CPNE1: variants seen among roughly 807,000 people sequenced by gnomAD.
CPNE1 encodes copine 1.
CPNE1 carries 58 observed loss-of-function variants against 63.2 expected under a neutral mutation model. That is an observed-to-expected ratio of 0.92 (90% CI 0.74 to 1.14). The LOEUF is 1.14. CPNE1 is among the 50% of genes most tolerant of loss of function. The pLI is 0.00. For missense variants in CPNE1, 672 were observed against 661.7 expected, an observed-to-expected ratio of 1.02 and a Z score of -0.17; for synonymous variants, 237 against 249.0, an observed-to-expected ratio of 0.95 and a Z score of 0.45.
intron 15 of CPNE1, 42 bp from the exon 16 acceptor site, chr20:35,626,423 T>C (rs770711398): frequency 6.2e-7 from 1 of 1,610,274 alleles, no homozygotes; most frequent in South Asian, 1.1e-5. Flanking sequence ...CCAGAACAGC[T>C]GCCCAAAGTC....
intron 8 of CPNE1, 40 bp from the exon 9 acceptor site, chr20:35,631,394 GCAT>G: frequency 6.2e-7 from 1 of 1,608,940 alleles, no homozygotes; most frequent in Non-Finnish European, 8.5e-7. Flanking sequence ...AATTCTCAGA[GCAT>G]CAGTCAAGGA....
At chr20:35,648,200 A>C (rs1411742557) in intron 1 of CPNE1, among the ~76,000 whole-genome samples, 4 of 152,208 alleles carry the variant, frequency 2.6e-5, no homozygotes, top group Non-Finnish European at 5.9e-5. Flanking sequence ...TCTTTCCAGA[A>C]CATTTCACAA....
chr20:35,654,674 A>C, intron 1 of CPNE1: 2 of 1,613,364 alleles, frequency 1.2e-6, no homozygotes, highest in Non-Finnish European at 1.7e-6. Flanking sequence ...ACAGGAGGCA[A>C]TGTAGGTACT....
intron 1 of CPNE1, among the ~76,000 whole-genome samples, chr20:35,639,320 A>G (rs928525580): frequency 6.6e-6 from 1 of 152,176 alleles, no homozygotes; most frequent in Non-Finnish European, 1.5e-5. Flanking sequence ...GAAAATTTTC[A>G]TAATAAAATG....
intron 1 of CPNE1, chr20:35,652,796 G>C: frequency 6.2e-7 from 1 of 1,609,212 alleles, no homozygotes. Context: ...AAGCCAGGGG[G>C]ACCACCAATA....
chr20:35,658,791 A>G, intron 1 of CPNE1: 1 of 558,238 alleles, frequency 1.8e-6, no homozygotes, highest in Non-Finnish European at 3.2e-6. Context: ...AACAAAAAAC[A>G]AGCAAACAAA....
chr20:35,664,237 A>C (rs181194441), intron 1 of CPNE1: 1 of 152,348 alleles, frequency 6.6e-6, no homozygotes, highest in East Asian at 1.9e-4. Context: ...AACTCACAGG[A>C]GTGTACCGAC....
chr20:35,654,424 T>G, intron 1 of CPNE1: 1 of 1,614,060 alleles, frequency 6.2e-7, no homozygotes, highest in South Asian at 1.1e-5. Flanking sequence ...ATCATCAGGG[T>G]TGATGGGGAG....
chr20:35,644,578 A>C (rs917384503), intron 1 of CPNE1, among the ~76,000 whole-genome samples: 30 of 152,236 alleles, frequency 2.0e-4, no homozygotes, highest in Non-Finnish European at 1.3e-4. Context: ...AGAAACACTG[A>C]GGCCAGAGGG....
intron 1 of CPNE1, among the ~76,000 whole-genome samples, chr20:35,640,684 T>C (rs1203559698): frequency 6.6e-6 from 1 of 152,186 alleles, no homozygotes; most frequent in Non-Finnish European, 1.5e-5. Flanking sequence ...CCTCTTGGAC[T>C]GTAACTTCAA....
chr20:35,627,716 A>G (rs2146275299), intron 13 of CPNE1, among the ~76,000 whole-genome samples: 1 of 152,274 alleles, frequency 6.6e-6, no homozygotes, highest in African/African-American at 2.4e-5. Context: ...ATTTGATACA[A>G]TAAGGATCCG....
chr20:35,632,320 C>T lies in CPNE1; in HGVS notation c.375G>A (p.Gly125=). 4 of 1,614,000 alleles carry T rather than the reference C, an allele frequency of 2.5e-6. No homozygotes were observed. Among genetic ancestry groups the T allele is most frequent in the South Asian group, 1.1e-5 (1 of 91,060 alleles). ...TTGCTGGGTTCCTTACCGTGATGGTCCCCCGCCCAGCAGGTTTTCCAGGCT... is the reference window on the plus strand; with the variant it reads ...TTGCTGGGTTCCTTACCGTGATGGTTCCCCGCCCAGCAGGTTTTCCAGGCT... ...MLKPGKPAGR[G]TITVSAQELK... The change falls in exon 4 of 16, where the codon GGG becomes GGA. Residue 125 remains glycine (G), a synonymous_variant. Transcript: ENST00000397443.
chr20:35,654,037 C>T (rs749163172), intron 1 of CPNE1: 24 of 1,614,028 alleles, frequency 1.5e-5, no homozygotes, highest in Non-Finnish European at 1.9e-5. Flanking sequence ...AACACAAAAA[C>T]CAGCCTCATG....
chr20:35,659,287 A>G (rs1354058693), intron 1 of CPNE1, among the ~76,000 whole-genome samples: 2 of 152,242 alleles, frequency 1.3e-5, no homozygotes, highest in Non-Finnish European at 2.9e-5. Flanking sequence ...CTGAAAATTA[A>G]AACAGTCATA....
At chr20:35,646,995 C>T (rs756784743) in intron 1 of CPNE1, among the ~76,000 whole-genome samples, 1 of 151,902 alleles carries the variant, frequency 6.6e-6, no homozygotes, top group Non-Finnish European at 1.5e-5. Context: ...GTCTCTATGC[C>T]CTAACCTTTA....
chr20:35,653,395 A>C (rs2033677036), intron 1 of CPNE1: 1 of 1,614,046 alleles, frequency 6.2e-7, no homozygotes. Flanking sequence ...ATTACCTGGC[A>C]CAGGCATCTT....
chr20:35,658,646 A>G (rs1050280139), intron 1 of CPNE1, among the ~76,000 whole-genome samples: 2 of 152,134 alleles, frequency 1.3e-5, no homozygotes, highest in African/African-American at 4.8e-5. Flanking sequence ...CTGTAATCCC[A>G]GCTATTCGGG....
intron 1 of CPNE1, chr20:35,649,650 T>C (rs1303172774): frequency 1.3e-5 from 2 of 152,740 alleles, no homozygotes; most frequent in Admixed American, 6.5e-5. Context: ...ATTATGCTTG[T>C]GAACTAAATG....
chr20:35,630,501 G>A lies in CPNE1; in HGVS notation c.1051-11C>T. 1 of 1,613,924 alleles carries A rather than the reference G, an allele frequency of 6.2e-7. No homozygotes were observed. Among genetic ancestry groups the A allele is most frequent in the Non-Finnish European group, 8.5e-7 (1 of 1,179,822 alleles). ...AAATTCATGCGAGACCTGGAGACAA[G>A]AATGAAAATGAGGTTCTTTCCCCAT... On this transcript the variant is annotated splice_polypyrimidine_tract_variant and intron_variant, in intron 12 of 15. Coordinates refer to ENST00000397443, the MANE Select transcript of CPNE1 (RefSeq NM_152925.3).
Sources: allele counts gnomAD v4.1 joint callset (sites outside exome capture counted in the v4.1 genomes callset), GRCh38; gene constraint gnomAD v4.1.1; transcripts MANE v1.5; gene names NCBI Gene and HGNC (gene_info 2026-07-23, HGNC 2026-07-21).